The following CCDC178 variants were observed in gnomAD, a reference collection of about 807,000 sequenced individuals.
CCDC178 encodes the protein coiled-coil domain containing 178.
In CCDC178, 126 loss-of-function variants were observed where a neutral mutation model predicts 117.4. The ratio of observed to expected loss-of-function variants is 1.07; its 90% confidence interval spans 0.93 to 1.24. The LOEUF (loss-of-function observed/expected upper bound fraction) is 1.24, where lower values mean the gene tolerates loss of function less well. Among genes scored for constraint, CCDC178 ranks in the 50% most tolerant of loss-of-function variants. CCDC178 has a pLI of 0.00. For synonymous variants in CCDC178, 283 were observed against 313.4 expected, an observed-to-expected ratio of 0.90 and a Z score of 1.02; for missense variants, 1,030 against 986.9, an observed-to-expected ratio of 1.04 and a Z score of -0.59.
intron 5 of CCDC178, among the ~76,000 whole-genome samples, chr18:33,378,449 T>G (rs997902787): frequency 6.6e-6 from 1 of 152,182 alleles, no homozygotes; most frequent in African/African-American, 2.4e-5. Context: ...CTCACCTGAT[T>G]GCTATGGCAA....
At chr18:33,351,621 T>C (rs1006702170) in intron 7 of CCDC178, among the ~76,000 whole-genome samples, 1 of 152,224 alleles carries the variant, frequency 6.6e-6, no homozygotes, top group Admixed American at 6.5e-5. Flanking sequence ...CAGTTCACTG[T>C]AAACTTGACC....
At chr18:33,019,623 G>C (rs2056069644) in intron 21 of CCDC178, among the ~76,000 whole-genome samples, 1 of 152,102 alleles carries the variant, frequency 6.6e-6, no homozygotes. Context: ...TAGATGCTGT[G>C]AAAGGTGCCT....
At position 33,300,555 on chromosome 18, in the gene CCDC178, T is replaced by C. The variant is rs78374052; in HGVS notation, c.1023-7243A>G. Among the ~76,000 whole-genome samples the C allele has an allele frequency of 6.7e-3, 1,018 of 152,258 alleles. 16 individuals are homozygous for C. Among genetic ancestry groups the C allele is most frequent in the African/African-American group, 0.023 (945 of 41,540 alleles). On this transcript the variant is annotated intron_variant, in intron 11 of 22. Transcript: ENST00000383096. ...AAAATACTGATAGAAACGTTGACAG[T>C]GAAGGCTAGACTGATGAGGTTTCAG...
At chr18:33,315,535 G>A (rs2062403469) in intron 11 of CCDC178, among the ~76,000 whole-genome samples, 1 of 152,174 alleles carries the variant, frequency 6.6e-6, no homozygotes, top group South Asian at 2.1e-4. Flanking sequence ...TCTCTTTTAT[G>A]TATAAGCAAA....
intron 10 of CCDC178, 105 bp downstream of exon 10, chr18:33,333,069 G>GAA (rs5823891): frequency 0.031 from 16,102 of 514,516 alleles, 1 homozygote; most frequent in East Asian, 0.065. Flanking sequence ...TCAATTTTAA[G>GAA]AAAAAAAAAA....
At chr18:33,308,464 G>C (rs1392826059) in intron 11 of CCDC178, among the ~76,000 whole-genome samples, 1 of 152,198 alleles carries the variant, frequency 6.6e-6, no homozygotes, top group South Asian at 2.1e-4. Flanking sequence ...TTCATGGGCA[G>C]AAGGGACTTG....
chr18:33,300,886 A>G (rs2062168531), intron 11 of CCDC178, among the ~76,000 whole-genome samples: 1 of 152,242 alleles, frequency 6.6e-6, no homozygotes, highest in Admixed American at 6.5e-5. Flanking sequence ...TGTGGCACAG[A>G]AAAATTCCAA....
intron 20 of CCDC178, among the ~76,000 whole-genome samples, chr18:33,181,263 T>C (rs1390411922): frequency 1.3e-5 from 2 of 151,968 alleles, no homozygotes; most frequent in African/African-American, 2.4e-5. Context: ...AGATAAATGA[T>C]AAAGTGATTG....
intron 11 of CCDC178, among the ~76,000 whole-genome samples, chr18:33,317,325 G>A: frequency 6.6e-6 from 1 of 152,032 alleles, no homozygotes; most frequent in East Asian, 1.9e-4. Context: ...GTGAAGGCCT[G>A]TGGCTTCACT....
intron 22 of CCDC178, among the ~76,000 whole-genome samples, chr18:32,970,853 T>C: frequency 6.6e-6 from 1 of 151,850 alleles, no homozygotes; most frequent in Non-Finnish European, 1.5e-5. Context: ...CTGCTGAAAA[T>C]ACAATTGTGG....
intron 5 of CCDC178, among the ~76,000 whole-genome samples, chr18:33,389,059 G>C (rs2063531027): frequency 6.6e-6 from 1 of 151,984 alleles, no homozygotes; most frequent in East Asian, 1.9e-4. Context: ...TTAGGTGATG[G>C]ATTGATAAGT....
At chr18:33,222,155 G>A (rs775780046) in intron 18 of CCDC178, among the ~76,000 whole-genome samples, 29 of 152,100 alleles carry the variant, frequency 1.9e-4, no homozygotes, top group African/African-American at 6.0e-4. Context: ...GATTCTAGCC[G>A]TTTAACAAAA....
intron 4 of CCDC178, among the ~76,000 whole-genome samples, chr18:33,392,184 A>G (rs2063573525): frequency 6.6e-6 from 1 of 152,068 alleles, no homozygotes; most frequent in African/African-American, 2.4e-5. Flanking sequence ...TAATTCTAAA[A>G]CTGCAAAAAA....
At chr18:33,341,805 C>A (rs750323210) in intron 9 of CCDC178, among the ~76,000 whole-genome samples, 3 of 152,120 alleles carry the variant, frequency 2.0e-5, no homozygotes, top group Non-Finnish European at 4.4e-5. Flanking sequence ...TTCCCAGTCT[C>A]AGGTATGTCT....
At chr18:33,144,724 A>G (rs2058249164) in intron 20 of CCDC178, among the ~76,000 whole-genome samples, 2 of 152,212 alleles carry the variant, frequency 1.3e-5, no homozygotes, top group South Asian at 4.1e-4. Flanking sequence ...CAAATCTAAA[A>G]TCATATTCGG....
chr18:33,115,949 T>C (rs1238033946), intron 20 of CCDC178, among the ~76,000 whole-genome samples: 2 of 152,140 alleles, frequency 1.3e-5, no homozygotes, highest in Non-Finnish European at 2.9e-5. Context: ...TTTGACTAAA[T>C]TGATGTCAAA....
intron 20 of CCDC178, among the ~76,000 whole-genome samples, chr18:33,119,572 T>C (rs2057906984): frequency 6.6e-6 from 1 of 152,096 alleles, no homozygotes; most frequent in Non-Finnish European, 1.5e-5. Context: ...TAGGAACACT[T>C]TTACACTGTT....
intron 20 of CCDC178, among the ~76,000 whole-genome samples, chr18:33,119,496 C>T (rs1472124056): frequency 6.6e-6 from 1 of 152,098 alleles, no homozygotes; most frequent in Non-Finnish European, 1.5e-5. Flanking sequence ...TACCATCTCA[C>T]GTCAGTTACA....
chr18:33,241,241 A>G (rs1411573099), intron 15 of CCDC178, among the ~76,000 whole-genome samples: 1 of 151,966 alleles, frequency 6.6e-6, no homozygotes, highest in Non-Finnish European at 1.5e-5. Context: ...CTAAGATCAT[A>G]CTGAGTGGGG....
Sources: gnomAD v4.1 joint callset for allele counts (sites outside exome capture counted in the v4.1 genomes callset) on GRCh38, gnomAD v4.1.1 for gene constraint, MANE v1.5 for transcripts, NCBI Gene and HGNC (gene_info 2026-07-23, HGNC 2026-07-21) for gene names.